Variants in STOX2 observed in about 807,000 individuals in gnomAD.
STOX2 encodes the protein storkhead-box protein 2.
Under a neutral mutation model 60.9 loss-of-function variants are expected in STOX2, and 28 were observed. That is an observed-to-expected ratio of 0.46 (90% CI 0.34 to 0.63). The LOEUF (loss-of-function observed/expected upper bound fraction) is 0.63. Among genes scored for constraint, STOX2 ranks in the 30% least tolerant of loss-of-function variants. STOX2 has a pLI of 0.01. For synonymous variants in STOX2, 472 were observed against 463.9 expected (o/e 1.02, Z -0.22); for missense variants, 1,024 against 1,187.7 (o/e 0.86, Z 2.03).
intron 1 of STOX2, among the ~76,000 whole-genome samples, chr4:183,884,691 G>A (rs571921276): frequency 2.4e-4 from 37 of 152,154 alleles, no homozygotes; most frequent in Admixed American, 1.6e-3. Flanking sequence ...CCATTCATAC[G>A]TTTAGGCTGG....
chr4:183,892,397 G>A (rs1235363095), intron 1 of STOX2, among the ~76,000 whole-genome samples: 1 of 152,156 alleles, frequency 6.6e-6, no homozygotes, highest in Non-Finnish European at 1.5e-5. Flanking sequence ...TCCTGCCTCA[G>A]CCTCCCGAGT....
intron 1 of STOX2, among the ~76,000 whole-genome samples, chr4:183,946,461 G>T (rs756561209): frequency 1.3e-4 from 20 of 152,108 alleles, no homozygotes; most frequent in African/African-American, 1.9e-4. Context: ...GGATGCTCAA[G>T]TTCCTAGTAT....
chr4:183,888,525 C>T (rs1208281950), intron 1 of STOX2, among the ~76,000 whole-genome samples: 1 of 152,168 alleles, frequency 6.6e-6, no homozygotes, highest in African/African-American at 2.4e-5. Context: ...TGTTTCCTCC[C>T]GACCTTGAAG....
At chr4:183,973,350 G>A (rs1560913161) in intron 1 of STOX2, among the ~76,000 whole-genome samples, 1 of 152,098 alleles carries the variant, frequency 6.6e-6, no homozygotes, top group Non-Finnish European at 1.5e-5. Flanking sequence ...ATATAATAGA[G>A]CAAGTTGAAT....
At chr4:183,824,061 T>C (rs1017583533) in intron 1 of STOX2, among the ~76,000 whole-genome samples, 2 of 152,218 alleles carry the variant, frequency 1.3e-5, no homozygotes, top group East Asian at 3.8e-4. Context: ...CCATTTGTGG[T>C]GTTATTGCAA....
chr4:183,945,158 A>G (rs1424113888), intron 1 of STOX2, among the ~76,000 whole-genome samples: 3 of 152,180 alleles, frequency 2.0e-5, no homozygotes, highest in Non-Finnish European at 4.4e-5. Context: ...ACAAAATTTC[A>G]TCAATTGTCA....
At chr4:183,846,798 G>A (rs563265455) in intron 1 of STOX2, among the ~76,000 whole-genome samples, 1 of 151,376 alleles carries the variant, frequency 6.6e-6, no homozygotes, top group South Asian at 2.1e-4. Context: ...TTTTTTTCCT[G>A]TGCGTGGGTC....
At chr4:183,965,548 C>A (rs2111167565) in intron 1 of STOX2, among the ~76,000 whole-genome samples, 1 of 152,260 alleles carries the variant, frequency 6.6e-6, no homozygotes. Context: ...TACCATTAGA[C>A]AGTTTTATCA....
chr4:183,804,405 G>A (rs1203639394), intron 1 of STOX2, among the ~76,000 whole-genome samples: 1 of 152,218 alleles, frequency 6.6e-6, no homozygotes. Context: ...AGCTTGCTAT[G>A]CTGGAGAAAC....
chr4:184,017,276 A>G lies in STOX2; in HGVS notation c.2773A>G (p.Ser925Gly). ...CAACTGCTTGCAAGCTTCTGTTACTAGCGTGTGATTGTCCTTCTGCCTCAG... is the reference window on the plus strand; with the variant it reads ...CAACTGCTTGCAAGCTTCTGTTACTGGCGTGTGATTGTCCTTCTGCCTCAG... ...PSNCLQASVT[S>G]V Residue 925 changes from serine to glycine, a missense_variant, in exon 4 of 4, where the codon AGC becomes GGC. Transcript: ENST00000308497. 3.1e-6 allele frequency: 5 copies of G among 1,592,584 alleles called. No homozygotes were observed. Among genetic ancestry groups the G allele is most frequent in the South Asian group, 2.3e-5 (2 of 87,572 alleles).
chr4:183,921,156 C>A (rs950745400), intron 1 of STOX2, among the ~76,000 whole-genome samples: 1 of 152,136 alleles, frequency 6.6e-6, no homozygotes, highest in Admixed American at 6.5e-5. Context: ...ATGAGGATAG[C>A]AGTAGGCTAG....
intron 1 of STOX2, among the ~76,000 whole-genome samples, chr4:183,813,147 G>C (rs1338686570): frequency 6.6e-6 from 1 of 152,176 alleles, no homozygotes; most frequent in Non-Finnish European, 1.5e-5. Context: ...ACTTTGGGAA[G>C]CCGAGGGGGG....
At chr4:183,807,942 C>G (rs1214785753) in intron 1 of STOX2, among the ~76,000 whole-genome samples, 1 of 152,230 alleles carries the variant, frequency 6.6e-6, no homozygotes, top group Non-Finnish European at 1.5e-5. Context: ...ACCCAACAGG[C>G]CTGCGGGGCG....
At chr4:183,995,890 C>G (rs1733320498) in intron 1 of STOX2, among the ~76,000 whole-genome samples, 1 of 152,220 alleles carries the variant, frequency 6.6e-6, no homozygotes, top group Admixed American at 6.5e-5. Context: ...CACCCCCGTG[C>G]TGGCTGGGCT....
At chr4:183,889,606 A>G (rs1264989077) in intron 1 of STOX2, among the ~76,000 whole-genome samples, 1 of 152,276 alleles carries the variant, frequency 6.6e-6, no homozygotes, top group East Asian at 1.9e-4. Context: ...GCAAAGTTTG[A>G]TGGACCTGAG....
At chr4:183,877,791 G>A (rs187295587) in intron 1 of STOX2, among the ~76,000 whole-genome samples, 1 of 152,114 alleles carries the variant, frequency 6.6e-6, no homozygotes, top group East Asian at 1.9e-4. Flanking sequence ...AGTGATTCTC[G>A]TGCCTCAGCC....
intron 2 of STOX2, among the ~76,000 whole-genome samples, chr4:184,008,869 C>T (rs896976083): frequency 2.6e-5 from 4 of 152,122 alleles, no homozygotes; most frequent in Non-Finnish European, 5.9e-5. Context: ...TTTCCTGTTT[C>T]GTTCAGGAAA....
chr4:183,817,221 T>G (rs533164057), intron 1 of STOX2, among the ~76,000 whole-genome samples: 113 of 152,354 alleles, frequency 7.4e-4, no homozygotes, highest in African/African-American at 2.6e-3. Flanking sequence ...CTGATCTGTG[T>G]CATTCATAAA....
At chr4:183,814,986 A>ATATTT (rs531377230) in intron 1 of STOX2, among the ~76,000 whole-genome samples, 15 of 152,014 alleles carry the variant, frequency 9.9e-5, no homozygotes, top group South Asian at 8.3e-4. Context: ...TTTGGGGGGA[A>ATATTT]TATTTTATTT....
Sources: gnomAD v4.1 joint callset for allele counts (sites outside exome capture counted in the v4.1 genomes callset) on GRCh38, gnomAD v4.1.1 for gene constraint, MANE v1.5 for transcripts, NCBI Gene and HGNC (gene_info 2026-07-23, HGNC 2026-07-21) for gene names.